The following REDIC1 variants were observed in gnomAD, a reference collection of about 807,000 sequenced individuals.
The protein encoded by REDIC1 is regulator of DNA class I crossover intermediates 1, also known as HEI10 Interacting Protein 1.
the REDIC1 span, among the ~76,000 whole-genome samples, chr12:39,670,829 A>G: frequency 4.0e-5 from 6 of 150,612 alleles, no homozygotes; most frequent in Middle Eastern, 6.9e-3. Flanking sequence ...GATCTAATCT[A>G]TTGATGCTCC....
the REDIC1 span, among the ~76,000 whole-genome samples, chr12:39,892,176 C>T: frequency 6.6e-6 from 1 of 152,188 alleles, no homozygotes; most frequent in Non-Finnish European, 1.5e-5. Flanking sequence ...AGAGCTTGAG[C>T]AGAGAAGCAG....
At chr12:39,882,163 G>A in the REDIC1 span, among the ~76,000 whole-genome samples, 1 of 151,948 alleles carries the variant, frequency 6.6e-6, no homozygotes, top group South Asian at 2.1e-4. Context: ...CTTACTATGT[G>A]AGTACTCTAT....
chr12:39,831,817 A>G, the REDIC1 span, among the ~76,000 whole-genome samples: 1 of 152,030 alleles, frequency 6.6e-6, no homozygotes, highest in Admixed American at 6.6e-5. Flanking sequence ...GTTCCCCCTT[A>G]GCCTTCTACC....
chr12:39,663,896 A>T, the REDIC1 span, among the ~76,000 whole-genome samples: 1 of 151,576 alleles, frequency 6.6e-6, no homozygotes, highest in African/African-American at 2.4e-5. Flanking sequence ...TTGGCTTGGA[A>T]ATGTTTTTAT....
the REDIC1 span, among the ~76,000 whole-genome samples, chr12:39,888,089 T>C: frequency 6.6e-6 from 1 of 152,240 alleles, no homozygotes; most frequent in African/African-American, 2.4e-5. Flanking sequence ...CAATAAGCCA[T>C]GGAGGATCCA....
the REDIC1 span, among the ~76,000 whole-genome samples, chr12:39,857,109 T>A: frequency 5.9e-5 from 9 of 152,346 alleles, no homozygotes; most frequent in East Asian, 1.7e-3. Context: ...ATAAGTCCCA[T>A]GGATTATCAG....
At chr12:39,855,798 A>G in the REDIC1 span, among the ~76,000 whole-genome samples, 1 of 152,242 alleles carries the variant, frequency 6.6e-6, no homozygotes, top group South Asian at 2.1e-4. Context: ...TAGTCTTCTA[A>G]TTTAATCAAT....
the REDIC1 span, chr12:39,682,884 C>T: frequency 2.5e-6 from 4 of 1,612,756 alleles, no homozygotes; most frequent in South Asian, 1.1e-5. Flanking sequence ...AAACATTTAA[C>T]AAGTGTGATT....
At chr12:39,897,536 C>T in the REDIC1 span, among the ~76,000 whole-genome samples, 55 of 152,238 alleles carry the variant, frequency 3.6e-4, no homozygotes, top group Middle Eastern at 3.4e-3. Context: ...GTAATCGATC[C>T]CTGTGTGGGG....
chr12:39,888,899 C>T, the REDIC1 span, among the ~76,000 whole-genome samples: 3 of 152,084 alleles, frequency 2.0e-5, no homozygotes, highest in Non-Finnish European at 4.4e-5. Flanking sequence ...ATAAAAATAA[C>T]TAAAATTATT....
chr12:39,782,300 G>T, the REDIC1 span, among the ~76,000 whole-genome samples: 20 of 152,060 alleles, frequency 1.3e-4, no homozygotes, highest in South Asian at 2.1e-4. Context: ...GAATTCCTAC[G>T]TGTTGTGGAA....
the REDIC1 span, among the ~76,000 whole-genome samples, chr12:39,904,884 C>G: frequency 6.6e-6 from 1 of 152,074 alleles, no homozygotes; most frequent in Non-Finnish European, 1.5e-5. Context: ...TGCATTGCCT[C>G]GTCATTGTGT....
chr12:39,642,262 A>G, the REDIC1 span, among the ~76,000 whole-genome samples: 1 of 151,734 alleles, frequency 6.6e-6, no homozygotes, highest in Non-Finnish European at 1.5e-5. Context: ...AATATGGGAC[A>G]AACTTCTTCA....
the REDIC1 span, among the ~76,000 whole-genome samples, chr12:39,753,469 G>T: frequency 6.6e-6 from 1 of 152,110 alleles, no homozygotes; most frequent in South Asian, 2.1e-4. Flanking sequence ...ATATGGGAAG[G>T]TTGTTCTTTT....
the REDIC1 span, among the ~76,000 whole-genome samples, chr12:39,882,559 AAAGGATGCTT>A: frequency 4.6e-5 from 7 of 152,292 alleles, no homozygotes; most frequent in African/African-American, 1.7e-4. Flanking sequence ...CCAACTCTCC[AAAGGATGCTT>A]TCATAGCATT....
the REDIC1 span, among the ~76,000 whole-genome samples, chr12:39,853,308 G>A: frequency 1.3e-5 from 2 of 152,018 alleles, no homozygotes; most frequent in African/African-American, 4.8e-5. Context: ...CACTGTGGGT[G>A]ATCTAAGTGC....
chr12:39,726,756 T>C, the REDIC1 span, among the ~76,000 whole-genome samples: 2 of 152,196 alleles, frequency 1.3e-5, no homozygotes, highest in Non-Finnish European at 2.9e-5. Flanking sequence ...TCCACAATGG[T>C]TGAACTAATT....
At chr12:39,765,780 C>T in the REDIC1 span, among the ~76,000 whole-genome samples, 1 of 152,082 alleles carries the variant, frequency 6.6e-6, no homozygotes, top group Non-Finnish European at 1.5e-5. Context: ...AGGTTTGTTA[C>T]ATAGGTAAAT....
At chr12:39,827,810 T>C in the REDIC1 span, among the ~76,000 whole-genome samples, 3 of 152,192 alleles carry the variant, frequency 2.0e-5, no homozygotes, top group African/African-American at 7.2e-5. Flanking sequence ...TTTCATTATA[T>C]TGACAATTCA....
Sources: gnomAD v4.1 joint callset for allele counts (sites outside exome capture counted in the v4.1 genomes callset) on GRCh38, gnomAD v4.1.1 for gene constraint, MANE v1.5 for transcripts, NCBI Gene and HGNC (gene_info 2026-07-23, HGNC 2026-07-21) for gene names.